ZNF18: variants seen among roughly 807,000 people sequenced by gnomAD.
The protein encoded by ZNF18 is zinc finger protein 18.
ZNF18 carries 42 observed loss-of-function variants against 58.1 expected under a neutral mutation model. The observed-to-expected ratio is 0.72, with a 90% CI of 0.56 to 0.93. The LOEUF is 0.93. ZNF18 is among the 40% of genes least tolerant of loss of function. The pLI is 0.00. For missense variants in ZNF18, 540 were observed against 644.2 expected, an observed-to-expected ratio of 0.84 and a Z score of 1.75; for synonymous variants, 231 against 239.8, an observed-to-expected ratio of 0.96 and a Z score of 0.34.
rs116840435 is a variant in ZNF18 at position 11,992,788 on chromosome 17, C to T, written c.42G>A (p.Ser14=). ...DLGQALGLLP[S]LAKAEDSQFS... ...ACTGGGAGTCCTCGGCCTTCGCCAG[C>T]GATGGCAGCAGGCCTAGGGCCTGCC... is the stretch of plus-strand genomic sequence containing the variant. The change falls in exon 2 of 7, where the codon TCG becomes TCA. Residue 14 remains serine, a synonymous_variant. Coordinates refer to ENST00000580306, the MANE Select transcript of ZNF18 (RefSeq NM_001303281.2). The T allele has an allele frequency of 3.7e-6, 6 of 1,613,962 alleles. No homozygotes were observed. The highest frequency in any genetic ancestry group is 2.7e-5 in the African/African-American group (2 of 75,054).
In ZNF18 at chr17:11,991,008, G is replaced by A. The variant is rs367961450; in HGVS notation, c.543C>T (p.Ile181=). The part of the protein sequence containing the change: ...SSGPGELLSH[I]VKEESDTEAE... ...CTTCTGTGTCAGATTCCTCTTTCAC[G>A]ATGTGGCTCAGAAGCTCCCCAGGCC... The change falls in exon 3 of 7, where the codon ATC becomes ATT. Residue 181 remains isoleucine (I), a synonymous_variant. Coordinates refer to ENST00000580306, the MANE Select transcript of ZNF18 (RefSeq NM_001303281.2). 60 of 1,613,920 alleles carry A rather than the reference G, an allele frequency of 3.7e-5. 1 individual carries two copies. The highest frequency in any genetic ancestry group is 3.2e-4 in the South Asian group (29 of 91,082).
At chr17:11,980,538 A>G (rs1001090258) in intron 6 of ZNF18, among the ~76,000 whole-genome samples, 1 of 152,044 alleles carries the variant, frequency 6.6e-6, no homozygotes, top group Non-Finnish European at 1.5e-5. Flanking sequence ...CTCCTGCCTC[A>G]GCCTCCCAAG....
At chr17:11,991,215 T>C in intron 2 of ZNF18, 52 bp from the exon 3 acceptor site, 1 of 1,490,890 alleles carries the variant, frequency 6.7e-7, no homozygotes, top group Non-Finnish European at 9.2e-7. Context: ...AGTAAGGATC[T>C]CTAAAAGACA....
At chr17:12,016,602 T>C in the ZNF18 span, among the ~76,000 whole-genome samples, 1 of 152,102 alleles carries the variant, frequency 6.6e-6, no homozygotes, top group Non-Finnish European at 1.5e-5. Flanking sequence ...AGTGCTAGAA[T>C]TACAGGCATG....
chr17:11,984,818 TTTTTTG>T (rs910572307), intron 4 of ZNF18, among the ~76,000 whole-genome samples: 8 of 152,212 alleles, frequency 5.3e-5, no homozygotes, highest in Non-Finnish European at 8.8e-5. Flanking sequence ...GTACTATTTG[TTTTTTG>T]TTTTTGTTTT....
At chr17:12,003,545 C>CT in the ZNF18 span, among the ~76,000 whole-genome samples, 1 of 152,032 alleles carries the variant, frequency 6.6e-6, no homozygotes, top group African/African-American at 2.4e-5. Context: ...TGGATTAGCC[C>CT]TAAAGTGCAT....
the ZNF18 span, among the ~76,000 whole-genome samples, chr17:12,003,366 G>A: frequency 6.6e-6 from 1 of 151,450 alleles, no homozygotes; most frequent in Non-Finnish European, 1.5e-5. Context: ...TTGAACCTGG[G>A]AAGGCAGAGG....
chr17:11,978,477 G>A lies in ZNF18; in HGVS notation c.1130C>T (p.Pro377Leu), dbSNP rs1204856522. The change falls in exon 7 of 7, where the codon CCT (proline) becomes CTT (leucine). Residue 377 changes from proline to leucine, a missense_variant. By Grantham distance (98) the Pro-to-Leu change is moderately conservative. Transcript: ENST00000580306. ...EKQLGQHLPN[P>L]HSGEMSTMWL... Reference sequence around the variant, plus strand: ...CATGGTGGACATTTCTCCTGAATGAGGATTAGGCAAATGCTGACCTAGTTG... The same window carrying A: ...CATGGTGGACATTTCTCCTGAATGAAGATTAGGCAAATGCTGACCTAGTTG... 9 of 1,595,944 alleles carry A rather than the reference G, an allele frequency of 5.6e-6. No homozygotes were observed. Among genetic ancestry groups the A allele is most frequent in the South Asian group, 1.1e-5 (1 of 88,208 alleles).
At chr17:11,997,495 G>A, upstream of ZNF18, 1 of 152,378 alleles carries the variant, frequency 6.6e-6, no homozygotes, top group African/African-American at 2.4e-5. Flanking sequence ...CGCCTCAGGC[G>A]GCAGGCGAAC....
chr17:11,992,771 T>A lies in ZNF18; in HGVS notation c.59A>T (p.Asp20Val). The A allele has an allele frequency of 3.7e-6, 6 of 1,614,130 alleles. No homozygotes were observed. The highest frequency in any genetic ancestry group is 5.1e-6 in the Non-Finnish European group (6 of 1,180,040). ...AGCATCTGATTCTGAGAACTGGGAG[T>A]CCTCGGCCTTCGCCAGCGATGGCAG... is the stretch of plus-strand genomic sequence containing the variant. ...GLLPSLAKAE[D>V]SQFSESDAAL... is the part of the protein sequence containing the mutation. The change falls in exon 2 of 7, where the codon GAC becomes GTC. Residue 20 changes from aspartate to valine, a missense_variant. Coordinates refer to ENST00000580306, the MANE Select transcript of ZNF18 (RefSeq NM_001303281.2).
At chr17:12,016,460 G>A in the ZNF18 span, among the ~76,000 whole-genome samples, 7 of 152,094 alleles carry the variant, frequency 4.6e-5, no homozygotes, top group South Asian at 2.1e-4. Flanking sequence ...CTCCTGAGTC[G>A]CTGGGATTAC....
At chr17:12,021,023 A>T in the ZNF18 span, 1 of 1,187,374 alleles carries the variant, frequency 8.4e-7, no homozygotes, top group Non-Finnish European at 1.0e-6. Flanking sequence ...GGCCGCGCCG[A>T]GATCCCAGCC....
At chr17:11,983,639 G>A (rs569740362) in intron 5 of ZNF18, among the ~76,000 whole-genome samples, 2 of 152,268 alleles carry the variant, frequency 1.3e-5, no homozygotes, top group East Asian at 3.9e-4. Context: ...TGGACAGAAA[G>A]GTCTGTAGAC....
intron 4 of ZNF18, among the ~76,000 whole-genome samples, chr17:11,985,413 C>G (rs1239384849): frequency 1.3e-5 from 2 of 152,196 alleles, no homozygotes; most frequent in African/African-American, 4.8e-5. Context: ...GTTATTTAAC[C>G]TTCCAGAGTT....
the ZNF18 span, among the ~76,000 whole-genome samples, chr17:12,006,774 G>GT: frequency 8.6e-5 from 13 of 151,442 alleles, no homozygotes; most frequent in South Asian, 2.1e-4. Context: ...TTACCATACT[G>GT]TTTTTTTTGC....
chr17:11,978,005 G>A lies in ZNF18; in HGVS notation c.1602C>T (p.Ser534=). Residue 534 remains serine (S), a synonymous_variant, in exon 7 of 7, where the codon AGC becomes AGT. Coordinates refer to ENST00000580306, the MANE Select transcript of ZNF18 (RefSeq NM_001303281.2). ...HCGKSFSWSS[S]LDKHQRSHLG... is the part of the protein sequence containing the mutation. ...AGTGGGATCTTTGATGTTTGTCAAGGCTCGAGCTCCAGCTGAAACTTTTCC... is the reference window on the plus strand; with the variant it reads ...AGTGGGATCTTTGATGTTTGTCAAGACTCGAGCTCCAGCTGAAACTTTTCC... The A allele has an allele frequency of 6.2e-7, 1 of 1,600,446 alleles. No individual in the cohort carries two copies. Among genetic ancestry groups the A allele is most frequent in the Non-Finnish European group, 8.5e-7 (1 of 1,173,054 alleles).
chr17:11,988,369 G>T (rs72819228), intron 4 of ZNF18, among the ~76,000 whole-genome samples: 29,498 of 152,110 alleles, frequency 0.19, 2,933 homozygotes, highest in East Asian at 0.23. Flanking sequence ...GGGAAACCCA[G>T]GCTGAGCCAG....
chr17:12,002,525 G>A, the ZNF18 span: 1 of 152,080 alleles, frequency 6.6e-6, no homozygotes, highest in African/African-American at 2.4e-5. Context: ...TAAGAAAATC[G>A]AGATCCAGAG....
intron 1 of ZNF18, among the ~76,000 whole-genome samples, chr17:11,994,298 A>G (rs1188004675): frequency 6.6e-6 from 1 of 152,232 alleles, no homozygotes; most frequent in African/African-American, 2.4e-5. Context: ...AAACTAAAAA[A>G]GAAAAACAAT....
Sources: allele counts gnomAD v4.1 joint callset (sites outside exome capture counted in the v4.1 genomes callset), GRCh38; gene constraint gnomAD v4.1.1; transcripts MANE v1.5; gene names NCBI Gene and HGNC (gene_info 2026-07-23, HGNC 2026-07-21).